DLGAP4: variants seen among roughly 807,000 people sequenced by gnomAD.
DLGAP4 encodes DLG associated protein 4, also known as disks large-associated protein 4.
Under a neutral mutation model 86.9 loss-of-function variants are expected in DLGAP4, and 18 were observed. The ratio of observed to expected loss-of-function variants is 0.21; its 90% confidence interval spans 0.14 to 0.31. DLGAP4 has a LOEUF of 0.31. Ranked by LOEUF, DLGAP4 falls within the 10% of genes least tolerant of loss-of-function variation. The pLI, the probability that DLGAP4 is intolerant of heterozygous loss-of-function variation, is 1.00. For missense variants in DLGAP4, 1,085 were observed against 1,362.6 expected, an observed-to-expected ratio of 0.80 and a Z score of 3.21; for synonymous variants, 548 against 574.3, an observed-to-expected ratio of 0.95 and a Z score of 0.65.
intron 2 of DLGAP4, among the ~76,000 whole-genome samples, chr20:36,382,511 CTTTCTTTCTTTT>C (rs2031432949): frequency 6.9e-6 from 1 of 145,650 alleles, no homozygotes; most frequent in African/African-American, 2.5e-5. Context: ...TCTTTTCTTT[CTTTCTTTCTTTT>C]TTTCTTTTTT....
chr20:36,430,937 AGAGT>A (rs1372999312), intron 2 of DLGAP4, among the ~76,000 whole-genome samples: 1 of 147,204 alleles, frequency 6.8e-6, no homozygotes, highest in East Asian at 2.0e-4. Flanking sequence ...CCTGGGTAAC[AGAGT>A]GAGACTCTGT....
intron 7 of DLGAP4, among the ~76,000 whole-genome samples, chr20:36,483,879 C>T: frequency 6.6e-6 from 1 of 152,234 alleles, no homozygotes; most frequent in Admixed American, 6.5e-5. Context: ...CTCTAACCCA[C>T]TCAGGAAATA....
intron 10 of DLGAP4, 115 bp from the exon 11 acceptor site, chr20:36,524,135 C>T (rs1408514847): frequency 2.5e-6 from 2 of 805,024 alleles, no homozygotes; most frequent in Admixed American, 4.1e-5. Context: ...CCACCGCCAT[C>T]ATGAAATAAT....
chr20:36,363,658 A>G (rs1348139787), intron 1 of DLGAP4, among the ~76,000 whole-genome samples: 4 of 152,206 alleles, frequency 2.6e-5, no homozygotes, highest in African/African-American at 9.6e-5. Context: ...TTCCATGTCC[A>G]TTTCCCTCTG....
intron 7 of DLGAP4, among the ~76,000 whole-genome samples, chr20:36,490,100 C>T (rs1325621024): frequency 6.6e-6 from 1 of 151,992 alleles, no homozygotes; most frequent in African/African-American, 2.4e-5. Flanking sequence ...TCAGATGATC[C>T]ACCCACCTCG....
chr20:36,511,503 C>G (rs2147813997), intron 10 of DLGAP4, among the ~76,000 whole-genome samples: 1 of 152,260 alleles, frequency 6.6e-6, no homozygotes, highest in South Asian at 2.1e-4. Context: ...TGCACCTGGC[C>G]TCCTGCATAT....
intron 10 of DLGAP4, among the ~76,000 whole-genome samples, chr20:36,519,202 A>C (rs1238144430): frequency 6.6e-6 from 1 of 152,006 alleles, no homozygotes; most frequent in Admixed American, 6.6e-5. Context: ...TTGCGCACGC[A>C]CAGAAGGTCA....
chr20:36,477,227 C>G (rs1472618103), intron 7 of DLGAP4, among the ~76,000 whole-genome samples: 1 of 152,016 alleles, frequency 6.6e-6, no homozygotes, highest in South Asian at 2.1e-4. Context: ...TCCCAGGTAG[C>G]TGGGATTACA....
intron 7 of DLGAP4, chr20:36,461,470 A>T: frequency 3.1e-6 from 3 of 980,898 alleles, no homozygotes; most frequent in Non-Finnish European, 3.6e-6. Context: ...CCTCGGGCGT[A>T]CAAAACCGGA....
chr20:36,379,277 C>CT (rs2031281990), intron 2 of DLGAP4, among the ~76,000 whole-genome samples: 3 of 152,152 alleles, frequency 2.0e-5, no homozygotes, highest in Non-Finnish European at 1.5e-5. Context: ...AGGGCCAGGC[C>CT]CATGGGAGAT....
At chr20:36,388,679 T>C (rs1282253928) in intron 2 of DLGAP4, among the ~76,000 whole-genome samples, 1 of 152,146 alleles carries the variant, frequency 6.6e-6, no homozygotes, top group Non-Finnish European at 1.5e-5. Flanking sequence ...CTGTGCCTCA[T>C]TTGTTAAATT....
At chr20:36,329,214 T>C (rs1238532022) in intron 1 of DLGAP4, among the ~76,000 whole-genome samples, 1 of 152,028 alleles carries the variant, frequency 6.6e-6, no homozygotes, top group East Asian at 1.9e-4. Context: ...CTGGCCAAGG[T>C]TGGAATTTTA....
chr20:36,513,495 C>T (rs2036846645), intron 10 of DLGAP4, among the ~76,000 whole-genome samples: 1 of 147,534 alleles, frequency 6.8e-6, no homozygotes, highest in African/African-American at 2.5e-5. Context: ...TTGCAGTGAG[C>T]CGAGATTGCG....
At chr20:36,461,663 G>GCCCCGCCCCC in intron 7 of DLGAP4, 1 of 63,046 alleles carries the variant, frequency 1.6e-5, no homozygotes, top group Non-Finnish European at 1.9e-5. Flanking sequence ...GGGCCGCCCC[G>GCCCCGCCCCC]CCCGGCCCGG....
intron 10 of DLGAP4, among the ~76,000 whole-genome samples, chr20:36,515,336 T>C (rs2036974258): frequency 6.6e-6 from 1 of 152,246 alleles, no homozygotes; most frequent in African/African-American, 2.4e-5. Flanking sequence ...ATTATGACTA[T>C]TACAGTAGCA....
At chr20:36,348,867 G>A (rs1555893226) in intron 1 of DLGAP4, among the ~76,000 whole-genome samples, 1 of 151,552 alleles carries the variant, frequency 6.6e-6, no homozygotes, top group Non-Finnish European at 1.5e-5. Flanking sequence ...TTGGGAGGCC[G>A]ATGTGGGTGG....
intron 3 of DLGAP4, among the ~76,000 whole-genome samples, chr20:36,434,104 T>C (rs1233398125): frequency 6.6e-6 from 1 of 151,476 alleles, no homozygotes; most frequent in Non-Finnish European, 1.5e-5. Context: ...CCACCAAGAC[T>C]GACCAATTTT....
intron 7 of DLGAP4, among the ~76,000 whole-genome samples, chr20:36,453,225 T>C (rs569190538): frequency 3.3e-5 from 5 of 152,104 alleles, no homozygotes; most frequent in Admixed American, 2.6e-4. Flanking sequence ...CCCAGCACCG[T>C]AGGGAGGATC....
intron 2 of DLGAP4, among the ~76,000 whole-genome samples, chr20:36,424,356 A>G (rs1045996360): frequency 2.0e-5 from 3 of 152,142 alleles, no homozygotes; most frequent in African/African-American, 7.2e-5. Context: ...GCCCCTGGGA[A>G]GGAGCATAAG....
Sources: gnomAD v4.1 joint callset for allele counts (sites outside exome capture counted in the v4.1 genomes callset) on GRCh38, gnomAD v4.1.1 for gene constraint, MANE v1.5 for transcripts, NCBI Gene and HGNC (gene_info 2026-07-23, HGNC 2026-07-21) for gene names.